Variants in DHX57 observed in about 807,000 individuals in gnomAD.
The protein encoded by DHX57 is putative ATP-dependent RNA helicase DHX57.
Under a neutral mutation model 156.2 loss-of-function variants are expected in DHX57, and 105 were observed. The observed-to-expected ratio is 0.67, with a 90% confidence interval of 0.57 to 0.79. DHX57 has a LOEUF of 0.79. Ranked by LOEUF, DHX57 falls within the 30% of genes least tolerant of loss-of-function variation. The probability of loss-of-function intolerance (pLI) is 0.00; values close to 1 mark genes in which losing one functional copy is unlikely to be tolerated. For missense variants in DHX57, 1,847 were observed against 1,661.9 expected (o/e 1.11, Z -1.94); for synonymous variants, 704 against 595.6 (o/e 1.18, Z -2.65).
chr2:38,840,399 G>A (rs1041659870), intron 12 of DHX57, among the ~76,000 whole-genome samples: 18 of 135,598 alleles, frequency 1.3e-4, no homozygotes, highest in Non-Finnish European at 2.7e-4. Context: ...TTTTTTTTTT[G>A]AGATGGAGTC....
intron 11 of DHX57, among the ~76,000 whole-genome samples, chr2:38,845,200 A>C (rs1430470904): frequency 6.6e-6 from 1 of 152,028 alleles, no homozygotes; most frequent in Non-Finnish European, 1.5e-5. Flanking sequence ...TCTTAAAAAA[A>C]AACAAAAAAC....
chr2:38,798,818 C>T (rs536325949), intron 23 of DHX57, among the ~76,000 whole-genome samples: 5 of 152,216 alleles, frequency 3.3e-5, no homozygotes, highest in Admixed American at 2.6e-4. Context: ...GTGGCATGCG[C>T]CTGTAATCCC....
intron 5 of DHX57, among the ~76,000 whole-genome samples, chr2:38,860,725 G>T (rs1160676238): frequency 6.6e-6 from 1 of 152,168 alleles, no homozygotes; most frequent in Non-Finnish European, 1.5e-5. Context: ...CGTACCTTAA[G>T]GTCCTTCCAA....
rs1365148881 is a variant in DHX57, at chr2:38,854,022, G to C, written c.2030+32C>G. 3 of 1,585,400 alleles carry C rather than the reference G, an allele frequency of 1.9e-6. No individual in the cohort carries two copies. In the African/African-American group the frequency reaches 4.1e-5, roughly 21 times the overall value. On this transcript the variant is annotated intron_variant, in intron 9 of 23. Transcript: ENST00000457308. ...TCTGCCATGCCTTCAATTCAGGTGA[G>C]TGTGTGTTCCCTGGGAAAGTCTTTG...
chr2:38,818,338 A>T (rs1277972476), intron 19 of DHX57, among the ~76,000 whole-genome samples: 1 of 152,166 alleles, frequency 6.6e-6, no homozygotes, highest in Admixed American at 6.6e-5. Context: ...CAGCCTGGCC[A>T]GCATGGTGAA....
chr2:38,837,936 A>C lies in DHX57; in HGVS notation c.2437T>G (p.Ser813Ala), dbSNP rs975326939. The C allele has an allele frequency of 1.2e-5, 19 of 1,608,832 alleles. No homozygotes were observed. Among genetic ancestry groups the C allele is most frequent in the Non-Finnish European group, 1.5e-5 (18 of 1,175,442 alleles). The change falls in exon 13 of 24, where the codon TCA becomes GCA. Residue 813 changes from serine to alanine, a missense_variant. Transcript: ENST00000457308. Reference sequence around the variant, plus strand: ...ATGATGGACATTGTTTTGATGACTGACTTGCTAACCCCTGAAAGAAAGAAA... The same window carrying C: ...ATGATGGACATTGTTTTGATGACTGCCTTGCTAACCCCTGAAAGAAAGAAA... ...LLARYKGVSK[S>A]VIKTMSIMDF... is the part of the protein sequence containing the mutation.
At position 38,856,473 on chromosome 2, in the gene DHX57, AAAGAT is replaced by A. The variant is rs755791418; in HGVS notation, c.1588-17_1588-13del. On this transcript the variant is annotated splice_polypyrimidine_tract_variant and intron_variant, in intron 6 of 23. Transcript: ENST00000457308. ...AACTGTCTGGAAGCCTAATAAAATCAAAGATAAGATATCAGTTGGGTTACTTTTTC... is the reference window on the plus strand; with the variant it reads ...AACTGTCTGGAAGCCTAATAAAATCAAAGATATCAGTTGGGTTACTTTTTC... 2.0e-5 allele frequency: 31 copies of A among 1,584,556 alleles called. No homozygotes were observed. The highest frequency in any genetic ancestry group is 2.6e-5 in the Non-Finnish European group (30 of 1,172,600).
At chr2:38,862,409 G>T in intron 3 of DHX57, 76 bp from the exon 4 acceptor site, 1 of 1,345,132 alleles carries the variant, frequency 7.4e-7, no homozygotes, top group South Asian at 2.0e-5. Context: ...AAAGGTCTAA[G>T]AATTTAATTC....
chr2:38,822,791 TTTTG>T (rs568333463), intron 17 of DHX57, among the ~76,000 whole-genome samples, 198 bp downstream of exon 17: 380 of 152,304 alleles, frequency 2.5e-3, no homozygotes, highest in African/African-American at 8.8e-3. Context: ...TAAAAAATCC[TTTTG>T]TTTGTTTTAT....
chr2:38,824,154 T>C (rs375141064), intron 16 of DHX57, among the ~76,000 whole-genome samples: 4 of 152,172 alleles, frequency 2.6e-5, no homozygotes, highest in Admixed American at 2.6e-4. Flanking sequence ...TATATATACA[T>C]ACAGTGGAAT....
intron 21 of DHX57, among the ~76,000 whole-genome samples, chr2:38,812,845 T>TTTGTTTGTTTGTTTGC (rs1361453697): frequency 2.1e-5 from 3 of 145,308 alleles, no homozygotes; most frequent in African/African-American, 7.7e-5. Flanking sequence ...TATTTACTTG[T>TTTGTTTGTTTGTTTGC]TTGTTTGTTT....
chr2:38,838,812 C>A, intron 12 of DHX57: 1 of 456,216 alleles, frequency 2.2e-6, no homozygotes, highest in Admixed American at 2.4e-5. Flanking sequence ...TCATTAACAC[C>A]CACGGAGTCT....
At chr2:38,812,852 G>GTTTA (rs1553323022) in intron 21 of DHX57, among the ~76,000 whole-genome samples, 2 of 151,072 alleles carry the variant, frequency 1.3e-5, no homozygotes, top group African/African-American at 4.9e-5. Context: ...TTGTTTGTTT[G>GTTTA]TTTGTTTGTT....
intron 16 of DHX57, 66 bp downstream of exon 16, chr2:38,825,781 T>C (rs1424863009): frequency 6.6e-6 from 10 of 1,518,684 alleles, no homozygotes; most frequent in Middle Eastern, 1.8e-4. Context: ...AAGGAAAACA[T>C]GGAACTTAAT....
intron 21 of DHX57, chr2:38,811,425 C>T (rs1670242755): frequency 3.4e-6 from 2 of 596,452 alleles, no homozygotes; most frequent in Non-Finnish European, 6.5e-6. Flanking sequence ...TAGCAGTCCT[C>T]ATACAGGCCA....
intron 22 of DHX57, among the ~76,000 whole-genome samples, chr2:38,803,424 T>C (rs536531244): frequency 1.3e-5 from 2 of 152,280 alleles, no homozygotes; most frequent in South Asian, 4.1e-4. Flanking sequence ...TCACTAAGTC[T>C]AGTCAGCTCT....
intron 16 of DHX57, among the ~76,000 whole-genome samples, chr2:38,823,635 T>C (rs945194783): frequency 3.3e-5 from 5 of 152,080 alleles, no homozygotes; most frequent in African/African-American, 1.2e-4. Context: ...AGGATAGAGA[T>C]TCCTCAAAAA....
chr2:38,830,417 C>G (rs533266952), intron 13 of DHX57, among the ~76,000 whole-genome samples: 2 of 152,178 alleles, frequency 1.3e-5, no homozygotes, highest in South Asian at 4.1e-4. Flanking sequence ...CACCTGAGGT[C>G]AAGAGTTCAA....
intron 22 of DHX57, among the ~76,000 whole-genome samples, chr2:38,803,226 C>T (rs1333922241): frequency 6.6e-6 from 1 of 152,100 alleles, no homozygotes; most frequent in African/African-American, 2.4e-5. Context: ...AATCCTTCTG[C>T]CTTGGCCTCC....
Sources: allele counts gnomAD v4.1 joint callset (sites outside exome capture counted in the v4.1 genomes callset), GRCh38; gene constraint gnomAD v4.1.1; transcripts MANE v1.5; gene names NCBI Gene and HGNC (gene_info 2026-07-23, HGNC 2026-07-21).